The following EPS15 variants were observed in gnomAD, a reference collection of about 807,000 sequenced individuals.
EPS15 encodes the protein epidermal growth factor receptor pathway substrate 15, also known as epidermal growth factor receptor substrate 15.
In EPS15, 72 loss-of-function variants were observed where a neutral mutation model predicts 113.8. The observed-to-expected ratio is 0.63, with a 90% CI of 0.52 to 0.77. The LOEUF (loss-of-function observed/expected upper bound fraction) is 0.77. Among genes scored for constraint, EPS15 ranks in the 30% least tolerant of loss-of-function variants. The pLI, the probability that EPS15 is intolerant of heterozygous loss-of-function variation, is 0.00. For synonymous variants in EPS15, 344 were observed against 363.4 expected, an observed-to-expected ratio of 0.95 and a Z score of 0.61; for missense variants, 1,048 against 1,045.8, an observed-to-expected ratio of 1.00 and a Z score of -0.03.
chr1:51,515,547 G>T (rs1002271850), intron 1 of EPS15, among the ~76,000 whole-genome samples: 1 of 151,630 alleles, frequency 6.6e-6, no homozygotes, highest in Non-Finnish European at 1.5e-5. Context: ...ATTGCTAAAA[G>T]ACTATTTTAA....
chr1:51,383,137 C>A (rs1646979446), intron 21 of EPS15, among the ~76,000 whole-genome samples: 1 of 152,196 alleles, frequency 6.6e-6, no homozygotes, highest in Non-Finnish European at 1.5e-5. Context: ...CAACACCAAT[C>A]ATTTCAATGG....
intron 1 of EPS15, among the ~76,000 whole-genome samples, chr1:51,508,262 G>A (rs12743062): frequency 1.4e-3 from 186 of 133,836 alleles, no homozygotes; most frequent in Middle Eastern, 3.5e-3. Context: ...GAGAGAGAGA[G>A]AGAGAGAGAG....
At chr1:51,444,867 G>T in intron 11 of EPS15, 22 bp downstream of exon 11, 1 of 1,602,768 alleles carries the variant, frequency 6.2e-7, no homozygotes. Flanking sequence ...ATACATTCAG[G>T]TTTCCTTTTA....
At chr1:51,517,323 T>C (rs2148574603) in intron 1 of EPS15, among the ~76,000 whole-genome samples, 1 of 152,348 alleles carries the variant, frequency 6.6e-6, no homozygotes, top group African/African-American at 2.4e-5. Context: ...GTACTTACTG[T>C]GTACACATTA....
At chr1:51,406,250 A>G (rs756300854) in intron 15 of EPS15, 142 bp from the exon 16 acceptor site, 62 of 675,756 alleles carry the variant, frequency 9.2e-5, no homozygotes, top group Middle Eastern at 4.1e-4. Flanking sequence ...CTGAGGCAGG[A>G]GGACTGCTTC....
At chr1:51,478,136 TC>T (rs1643948189) in intron 2 of EPS15, among the ~76,000 whole-genome samples, 1 of 152,216 alleles carries the variant, frequency 6.6e-6, no homozygotes, top group Non-Finnish European at 1.5e-5. Flanking sequence ...ATCTGGGTGC[TC>T]CTGTATTGGG....
At chr1:51,472,112 T>C (rs1195907475) in intron 3 of EPS15, among the ~76,000 whole-genome samples, 3 of 152,016 alleles carry the variant, frequency 2.0e-5, no homozygotes, top group Admixed American at 1.3e-4. Context: ...AGCCAAAAGA[T>C]TGGGCACCCC....
At chr1:51,410,016 CA>C (rs981951562) in intron 13 of EPS15, among the ~76,000 whole-genome samples, 1 of 104,424 alleles carries the variant, frequency 9.6e-6, no homozygotes, top group Non-Finnish European at 2.0e-5. Context: ...ATTCTCTGGT[CA>C]AAAAAAAACC....
At chr1:51,459,240 TA>T (rs1337708182) in intron 8 of EPS15, 2 of 152,316 alleles carry the variant, frequency 1.3e-5, no homozygotes, top group Non-Finnish European at 2.9e-5. Flanking sequence ...CTCACGCCTG[TA>T]ATCCCAGCAC....
At chr1:51,408,001 C>A (rs1649291929) in intron 15 of EPS15, 134 bp downstream of exon 15, 2 of 730,826 alleles carry the variant, frequency 2.7e-6, no homozygotes, top group Non-Finnish European at 4.8e-6. Flanking sequence ...GACAAAAAAA[C>A]CTATTGTATA....
chr1:51,497,840 G>T (rs748979594), intron 1 of EPS15, among the ~76,000 whole-genome samples: 1 of 152,046 alleles, frequency 6.6e-6, no homozygotes, highest in Non-Finnish European at 1.5e-5. Flanking sequence ...CGCTGGGCAT[G>T]GTGGTGCGCG....
rs575318265 is a variant in EPS15 at position 51,410,400 on chromosome 1, A to G, written c.1114-704T>C. Among the ~76,000 whole-genome samples, 5 of 152,254 alleles carry G rather than the reference A, an allele frequency of 3.3e-5. No individual in the cohort carries two copies. In the South Asian group the frequency reaches 8.3e-4, roughly 25 times the overall value. On this transcript the variant is annotated intron_variant, in intron 13 of 24. Transcript: ENST00000371733. Reference sequence around the variant, plus strand: ...GAGTGAGACACTGTCTCCAAAAAAAAAAAAAAGAAAAATTAATTCCAGGTA... The same window carrying G: ...GAGTGAGACACTGTCTCCAAAAAAAGAAAAAAGAAAAATTAATTCCAGGTA...
At chr1:51,396,805 T>A (rs909468502) in intron 20 of EPS15, among the ~76,000 whole-genome samples, 7 of 152,118 alleles carry the variant, frequency 4.6e-5, no homozygotes, top group Non-Finnish European at 1.0e-4. Flanking sequence ...ATTTCCAGAT[T>A]GTATTGGTGA....
chr1:51,434,703 C>T (rs749741097), intron 12 of EPS15, among the ~76,000 whole-genome samples: 7 of 152,132 alleles, frequency 4.6e-5, no homozygotes, highest in Non-Finnish European at 8.8e-5. Context: ...CGGAGTCTCG[C>T]ACTTGTCTCC....
At chr1:51,463,584 T>C (rs1654629800) in intron 7 of EPS15, 89 bp downstream of exon 7, 1 of 673,134 alleles carries the variant, frequency 1.5e-6, no homozygotes, top group Non-Finnish European at 2.3e-6. Context: ...ATTTGTATAT[T>C]TTTAACAAAG....
chr1:51,361,475 A>C, intron 23 of EPS15, 120 bp from the exon 24 acceptor site: 1 of 665,182 alleles, frequency 1.5e-6, no homozygotes, highest in Non-Finnish European at 2.5e-6. Flanking sequence ...TACCTAAAAC[A>C]CATTCTGAAT....
At chr1:51,468,780 T>C (rs1182982587) in intron 4 of EPS15, among the ~76,000 whole-genome samples, 1 of 152,052 alleles carries the variant, frequency 6.6e-6, no homozygotes, top group Non-Finnish European at 1.5e-5. Flanking sequence ...AATAATAACA[T>C]AAATGGGAAA....
chr1:51,505,615 A>C lies in EPS15; in HGVS notation c.33+13584T>G, dbSNP rs534923056. Reference sequence around the variant, plus strand: ...GATGTTTGCACGTATCTGTGAAGAGACTAAAAACCACTGAATTGTACACTT... The same window carrying C: ...GATGTTTGCACGTATCTGTGAAGAGCCTAAAAACCACTGAATTGTACACTT... On this transcript the variant is annotated intron_variant, in intron 1 of 24. Coordinates refer to ENST00000371733, the MANE Select transcript of EPS15 (RefSeq NM_001981.3). Among the ~76,000 whole-genome samples, 6 of 152,286 alleles carry C rather than the reference A, an allele frequency of 3.9e-5. No homozygotes were observed. In the South Asian group the frequency reaches 1.2e-3, roughly 32 times the overall value.
At chr1:51,475,842 T>A (rs1293059319) in intron 2 of EPS15, among the ~76,000 whole-genome samples, 1 of 152,222 alleles carries the variant, frequency 6.6e-6, no homozygotes, top group African/African-American at 2.4e-5. Flanking sequence ...TAATCCATCT[T>A]GAAATAATTT....
Sources: gnomAD v4.1 joint callset for allele counts (sites outside exome capture counted in the v4.1 genomes callset) on GRCh38, gnomAD v4.1.1 for gene constraint, MANE v1.5 for transcripts, NCBI Gene and HGNC (gene_info 2026-07-23, HGNC 2026-07-21) for gene names.